The following MDGA2 variants were observed in gnomAD, a reference collection of about 807,000 sequenced individuals.
MDGA2 encodes MAM domain containing glycosylphosphatidylinositol anchor 2, also known as MAM domain-containing glycosylphosphatidylinositol anchor protein 2.
MDGA2 carries 40 observed loss-of-function variants against 117.8 expected under a neutral mutation model. The observed-to-expected ratio is 0.34, with a 90% CI of 0.26 to 0.44. MDGA2 has a LOEUF of 0.44. Among genes scored for constraint, MDGA2 ranks in the 20% least tolerant of loss-of-function variants. MDGA2 has a pLI of 1.00. For synonymous variants in MDGA2, 452 were observed against 439.0 expected, an observed-to-expected ratio of 1.03 and a Z score of -0.37; for missense variants, 1,123 against 1,250.6, an observed-to-expected ratio of 0.90 and a Z score of 1.54.
At chr14:47,267,315 CA>C in intron 2 of MDGA2, among the ~76,000 whole-genome samples, 1 of 151,936 alleles carries the variant, frequency 6.6e-6, no homozygotes, top group East Asian at 1.9e-4. Flanking sequence ...ATCACAAAGG[CA>C]ATTTAATGAC....
chr14:47,276,584 T>C (rs1395011594), intron 2 of MDGA2, among the ~76,000 whole-genome samples: 1 of 152,080 alleles, frequency 6.6e-6, no homozygotes, highest in African/African-American at 2.4e-5. Context: ...AATTCCATTT[T>C]GTCTCCAATG....
chr14:46,999,120 G>C (rs769458905), intron 8 of MDGA2, among the ~76,000 whole-genome samples: 4 of 151,596 alleles, frequency 2.6e-5, no homozygotes. Flanking sequence ...GACTTTTTTA[G>C]TCAAATTTAA....
intron 1 of MDGA2, among the ~76,000 whole-genome samples, chr14:47,313,892 C>T (rs1036141636): frequency 9.2e-5 from 14 of 151,894 alleles, no homozygotes; most frequent in Admixed American, 2.0e-4. Context: ...TACTGTAAGA[C>T]GACAAATTGC....
chr14:47,260,902 A>G (rs1418296671), intron 2 of MDGA2, among the ~76,000 whole-genome samples: 2 of 152,090 alleles, frequency 1.3e-5, no homozygotes, highest in Non-Finnish European at 2.9e-5. Context: ...AGATTTAAAT[A>G]TGGAATCCAA....
intron 14 of MDGA2, chr14:46,871,109 T>C (rs2138355667): frequency 6.6e-6 from 1 of 151,634 alleles, no homozygotes; most frequent in East Asian, 2.0e-4. Context: ...TTAGTAATAA[T>C]ATAGTAATCC....
In MDGA2 at chr14:46,978,691, A is replaced by G. The variant is rs376591972; in HGVS notation, c.1820-21048T>C. On this transcript the variant is annotated intron_variant, in intron 8 of 16. Coordinates refer to ENST00000399232, the MANE Select transcript of MDGA2 (RefSeq NM_001113498.3). Reference sequence around the variant, plus strand: ...AAGACTGTTATCATTGCCTCTGCCAAGTCATAGTTGCTGCATTTAGACACA... The same window carrying G: ...AAGACTGTTATCATTGCCTCTGCCAGGTCATAGTTGCTGCATTTAGACACA... Among the ~76,000 whole-genome samples, 243 of 152,192 alleles carry G rather than the reference A, an allele frequency of 1.6e-3. 2 individuals are homozygous for G. Among genetic ancestry groups the G allele is most frequent in the South Asian group, 0.01 (50 of 4,828 alleles).
At chr14:47,332,897 G>A (rs1420914957) in intron 1 of MDGA2, among the ~76,000 whole-genome samples, 1 of 151,900 alleles carries the variant, frequency 6.6e-6, no homozygotes, top group Non-Finnish European at 1.5e-5. Context: ...TAATAAGTGA[G>A]AACATGTGGT....
chr14:47,348,219 T>TC (rs1890802269), intron 1 of MDGA2, among the ~76,000 whole-genome samples: 1 of 90,144 alleles, frequency 1.1e-5, no homozygotes, highest in East Asian at 4.8e-4. Context: ...AATCCTTAAA[T>TC]TTTTTTTTTT....
chr14:47,581,094 C>G (rs1450221178), intron 1 of MDGA2, among the ~76,000 whole-genome samples: 1 of 152,046 alleles, frequency 6.6e-6, no homozygotes, highest in African/African-American at 2.4e-5. Context: ...TTTATCCCTT[C>G]ATCCAGCTTT....
intron 1 of MDGA2, among the ~76,000 whole-genome samples, chr14:47,441,269 A>G (rs1424402082): frequency 1.3e-5 from 2 of 152,142 alleles, no homozygotes; most frequent in Non-Finnish European, 1.5e-5. Flanking sequence ...AAGTGTGGAG[A>G]GCAGAAATAG....
chr14:47,495,892 G>C (rs1894271878), intron 1 of MDGA2, among the ~76,000 whole-genome samples: 1 of 151,976 alleles, frequency 6.6e-6, no homozygotes, highest in South Asian at 2.1e-4. Flanking sequence ...AAAATCACTA[G>C]GTTATCTCTT....
intron 2 of MDGA2, among the ~76,000 whole-genome samples, chr14:47,286,824 T>TATATACAC (rs1491236673): frequency 2.9e-5 from 3 of 104,206 alleles, no homozygotes; most frequent in East Asian, 2.9e-4. Flanking sequence ...TATATATATA[T>TATATACAC]ACATATATAT....
At chr14:47,591,893 C>T (rs1172092097) in intron 1 of MDGA2, among the ~76,000 whole-genome samples, 1 of 152,054 alleles carries the variant, frequency 6.6e-6, no homozygotes, top group Non-Finnish European at 1.5e-5. Flanking sequence ...TGCCCTCTCT[C>T]ACTCCTATTC....
intron 1 of MDGA2, among the ~76,000 whole-genome samples, chr14:47,434,006 T>C (rs777141309): frequency 1.3e-5 from 2 of 152,048 alleles, no homozygotes; most frequent in African/African-American, 2.4e-5. Flanking sequence ...TTTAAACCAT[T>C]GCTAAATAAT....
intron 3 of MDGA2, among the ~76,000 whole-genome samples, chr14:47,174,348 T>C (rs1433839400): frequency 6.6e-6 from 1 of 152,014 alleles, no homozygotes; most frequent in Non-Finnish European, 1.5e-5. Flanking sequence ...AATATACATT[T>C]TTTTCAGCAC....
At chr14:47,117,891 A>G (rs551000258) in intron 5 of MDGA2, among the ~76,000 whole-genome samples, 2 of 152,160 alleles carry the variant, frequency 1.3e-5, no homozygotes, top group Non-Finnish European at 2.9e-5. Flanking sequence ...TTAGAAGCAT[A>G]TATTTCATGT....
chr14:47,084,810 T>C (rs1470345320), intron 6 of MDGA2, among the ~76,000 whole-genome samples: 2 of 152,102 alleles, frequency 1.3e-5, no homozygotes, highest in African/African-American at 4.8e-5. Context: ...CAGAAGTGTG[T>C]CCTCACTAGA....
chr14:47,091,958 A>T (rs1879682592), intron 6 of MDGA2, among the ~76,000 whole-genome samples: 1 of 152,128 alleles, frequency 6.6e-6, no homozygotes, highest in Non-Finnish European at 1.5e-5. Context: ...CAGCAGCATT[A>T]TCAACTAGTA....
chr14:47,479,037 C>T (rs2138630976), intron 1 of MDGA2, among the ~76,000 whole-genome samples: 1 of 152,252 alleles, frequency 6.6e-6, no homozygotes, highest in African/African-American at 2.4e-5. Context: ...TTTGTGGTAA[C>T]AATCTTATAA....
Sources: gnomAD v4.1 joint callset for allele counts (sites outside exome capture counted in the v4.1 genomes callset) on GRCh38, gnomAD v4.1.1 for gene constraint, MANE v1.5 for transcripts, NCBI Gene and HGNC (gene_info 2026-07-23, HGNC 2026-07-21) for gene names.